Variants in USP20 observed in about 807,000 individuals in gnomAD.
USP20 encodes ubiquitin carboxyl-terminal hydrolase 20.
In USP20, 80 loss-of-function variants were observed where a neutral mutation model predicts 124.2. The ratio of observed to expected loss-of-function variants is 0.64; its 90% CI spans 0.54 to 0.78. The LOEUF (loss-of-function observed/expected upper bound fraction) is 0.78, where lower values mean the gene tolerates loss of function less well. Ranked by LOEUF, USP20 falls within the 30% of genes least tolerant of loss-of-function variation. The pLI is 0.00. For missense variants in USP20, 1,043 were observed against 1,244.4 expected, an observed-to-expected ratio of 0.84 and a Z score of 2.44; for synonymous variants, 481 against 512.3, an observed-to-expected ratio of 0.94 and a Z score of 0.83.
rs1406741101 is a variant in USP20 at position 129,880,099 on chromosome 9, C to T, written c.2585-14C>T. On this transcript the variant is annotated splice_polypyrimidine_tract_variant and intron_variant, in intron 24 of 25. Transcript: ENST00000372429. The stretch of plus-strand genomic sequence containing the variant: ...GGCAAAGGTGAGCCTAGGGGTGCCT[C>T]TCGTGCCCTGCAGGAGCTGACTACG... The T allele has an allele frequency of 1.2e-6, 2 of 1,612,252 alleles. No homozygotes were observed. Among genetic ancestry groups the T allele is most frequent in the African/African-American group, 2.7e-5 (2 of 74,904 alleles).
chr9:129,847,327 G>T (rs1250329320), intron 1 of USP20, among the ~76,000 whole-genome samples: 1 of 144,870 alleles, frequency 6.9e-6, no homozygotes, highest in African/African-American at 2.6e-5. Context: ...TTTTTAGATG[G>T]AGTCTTGCTC....
At chr9:129,867,246 G>A (rs909792175) in intron 10 of USP20, among the ~76,000 whole-genome samples, 11 of 152,164 alleles carry the variant, frequency 7.2e-5, no homozygotes, top group Admixed American at 5.2e-4. Context: ...CCCCCTGTGT[G>A]AGCACACAGA....
chr9:129,845,823 C>G (rs1431408596), intron 1 of USP20, among the ~76,000 whole-genome samples: 2 of 152,230 alleles, frequency 1.3e-5, no homozygotes, highest in East Asian at 3.8e-4. Context: ...TCACTTGACT[C>G]TATCCTCCAG....
In USP20 at chr9:129,858,602, A is replaced by G. The variant is rs1477161485; in HGVS notation, c.330+4A>G. The G allele has an allele frequency of 6.2e-7, 1 of 1,612,916 alleles. No individual in the cohort carries two copies. The highest frequency in any genetic ancestry group is 8.5e-7 in the Non-Finnish European group (1 of 1,179,668). Reference sequence around the variant, plus strand: ...CTCTTCCAAGTTCTCTGAACAGGTAACCTGTGTGGTGGGCTCTGTTTGGTT... The same window carrying G: ...CTCTTCCAAGTTCTCTGAACAGGTAGCCTGTGTGGTGGGCTCTGTTTGGTT... On this transcript the variant is annotated splice_donor_region_variant and intron_variant, in intron 6 of 25. Coordinates refer to ENST00000372429, the MANE Select transcript of USP20 (RefSeq NM_001110303.4).
rs1006619094 is a variant in USP20 at position 129,835,507 on chromosome 9, C to T, written c.-129+8C>T. 12 of 317,574 alleles carry T rather than the reference C, an allele frequency of 3.8e-5. No individual in the cohort carries two copies. In the South Asian group the frequency reaches 5.8e-4, roughly 15 times the overall value. 19.7% of individuals were successfully genotyped at this position (317,574 alleles called of 1,614,324 possible). A position where few individuals can be genotyped will look rare whatever the true frequency, so the allele number is the denominator to read the frequency against. ...GCGCAGTTGCGAGTGCAGGTGAGTT[C>T]CGGGCCGCCACCGGCTGCTTCTGTG... On this transcript the variant is annotated splice_region_variant and intron_variant, in intron 1 of 25. Coordinates refer to ENST00000372429, the MANE Select transcript of USP20 (RefSeq NM_001110303.4).
At chr9:129,836,293 G>C (rs1588230358) in intron 1 of USP20, among the ~76,000 whole-genome samples, 1 of 152,200 alleles carries the variant, frequency 6.6e-6, no homozygotes, top group Admixed American at 6.5e-5. Context: ...TTATTAAGCA[G>C]TTACTATGTG....
chr9:129,848,582 G>A (rs561107598), intron 1 of USP20, among the ~76,000 whole-genome samples: 12 of 151,984 alleles, frequency 7.9e-5, no homozygotes, highest in Non-Finnish European at 1.5e-4. Context: ...GAACCCGGGA[G>A]GCAGAAGTTG....
rs201078645 is a variant in USP20 at position 129,860,889 on chromosome 9, C to G, written c.331-48C>G. ...CTTGGGAGACACCTGGGCCTCTGAC[C>G]CCAGCCCCTCTGTTCACTGTTTTCC... On this transcript the variant is annotated intron_variant, in intron 6 of 25. Coordinates refer to ENST00000372429, the MANE Select transcript of USP20 (RefSeq NM_001110303.4). 6.3e-6 allele frequency: 10 copies of G among 1,595,094 alleles called. No homozygotes were observed. The Admixed American group carries it at 1.2e-4, about 19-fold the overall frequency.
chr9:129,860,940 T>A lies in USP20; in HGVS notation c.334T>A (p.Ser112Thr). 1 of 1,613,898 alleles carries A rather than the reference T, an allele frequency of 6.2e-7. No individual in the cohort carries two copies. Among genetic ancestry groups the A allele is most frequent in the East Asian group, 2.2e-5 (1 of 44,874 alleles). The change falls in exon 7 of 26, where the codon TCC (serine) becomes ACC (threonine). Residue 112 changes from serine to threonine, a missense_variant. Coordinates refer to ENST00000372429, the MANE Select transcript of USP20 (RefSeq NM_001110303.4). ...GSSSKFSEQDSPPPSHPLKAV... is the reference protein window; with the variant it reads ...GSSSKFSEQDTPPPSHPLKAV... ...TCACTTTGGGTCTTTAACACAGGAC[T>A]CCCCGCCACCCTCCCACCCTCTGAA... is the stretch of plus-strand genomic sequence containing the variant.
intron 1 of USP20, among the ~76,000 whole-genome samples, chr9:129,840,085 C>T (rs1192410898): frequency 1.3e-5 from 2 of 151,476 alleles, no homozygotes; most frequent in East Asian, 2.0e-4. Context: ...TCTGGTGGGC[C>T]GGGAGGGCGG....
At chr9:129,866,038 G>A (rs777049873) in intron 10 of USP20, among the ~76,000 whole-genome samples, 4 of 152,208 alleles carry the variant, frequency 2.6e-5, no homozygotes, top group Middle Eastern at 6.3e-3. Flanking sequence ...AAGACAGAGT[G>A]CAGCCACGCG....
chr9:129,860,897 C>T, intron 6 of USP20, 40 bp from the exon 7 acceptor site: 3 of 1,604,096 alleles, frequency 1.9e-6, no homozygotes, highest in Non-Finnish European at 2.6e-6. Context: ...ACCCCAGCCC[C>T]TCTGTTCACT....
Position 129,868,397 on chromosome 9 carries a change from C to A in USP20, c.1083C>A (p.Pro361=). The part of the protein sequence containing the change: ...DTAMAALDDQ[P]AEAQPPSPRS... ...CCATGGCTGCCCTTGACGACCAGCC[C>A]GCGGAGGCCCAGCCCCCGTCACCAC... The change falls in exon 11 of 26, where the codon CCC becomes CCA. Residue 361 remains proline (P), a synonymous_variant. Coordinates refer to ENST00000372429, the MANE Select transcript of USP20 (RefSeq NM_001110303.4). The A allele has an allele frequency of 6.2e-7, 1 of 1,612,256 alleles. No individual in the cohort carries two copies. Among genetic ancestry groups the A allele is most frequent in the Non-Finnish European group, 8.5e-7 (1 of 1,179,520 alleles).
rs758975304 is a variant in USP20 at position 129,875,401 on chromosome 9, C to T, written c.2140C>T (p.Arg714Cys). The stretch of plus-strand genomic sequence containing the variant: ...CAGCCTGCTGCGGTTCTACGTGTCC[C>T]GCGAGTGGCTCAACAAGTTCAACAC... The part of the protein sequence containing the change: ...EPSLLRFYVS[R>C]EWLNKFNTFA... The change falls in exon 20 of 26, where the codon CGC (arginine) becomes TGC (cysteine). Residue 714 changes from arginine to cysteine, a missense_variant. Coordinates refer to ENST00000372429, the MANE Select transcript of USP20 (RefSeq NM_001110303.4). The T allele has an allele frequency of 8.1e-6, 13 of 1,613,596 alleles. No individual in the cohort carries two copies. The highest frequency in any genetic ancestry group is 6.7e-5 in the East Asian group (3 of 44,874).
chr9:129,874,562 C>A lies in USP20; in HGVS notation c.1741-14C>A. The A allele has an allele frequency of 6.2e-7, 1 of 1,612,068 alleles. No homozygotes were observed. The highest frequency in any genetic ancestry group is 1.3e-5 in the African/African-American group (1 of 75,042). On this transcript the variant is annotated splice_polypyrimidine_tract_variant and intron_variant, in intron 17 of 25. Transcript: ENST00000372429. ...TTTCTTCCTAGATGACCGGCGCTCT[C>A]TCTGTCCCCGCAGATCCTGTGCATT...
chr9:129,868,871 A>C lies in USP20; in HGVS notation c.1145A>C (p.Asn382Thr). 1 of 1,572,958 alleles carries C rather than the reference A, an allele frequency of 6.4e-7. No homozygotes were observed. The highest frequency in any genetic ancestry group is 8.7e-7 in the Non-Finnish European group (1 of 1,155,432). ...CCCTCTCTGCCCCCAGAGCCGGACA[A>C]TGATGCTCACCTACGCAGCTCCTCT... ...SSPCRTPEPD[N>T]DAHLRSSSRP... is the part of the protein sequence containing the mutation. The change falls in exon 12 of 26, where the codon AAT (asparagine) becomes ACT (threonine). Residue 382 changes from asparagine (N) to threonine (T), a missense_variant. Asn to Thr is a moderately conservative substitution (Grantham distance 65). Transcript: ENST00000372429.
intron 1 of USP20, among the ~76,000 whole-genome samples, chr9:129,840,934 C>T (rs2032171234): frequency 6.6e-6 from 1 of 152,056 alleles, no homozygotes. Flanking sequence ...CCATGCCCGG[C>T]TAATTTTTGT....
In USP20 at chr9:129,879,062, C is replaced by T. The variant is rs1389821957; in HGVS notation, c.2513-511C>T. Among the ~76,000 whole-genome samples the T allele has an allele frequency of 6.6e-6, 1 of 152,202 alleles. No individual in the cohort carries two copies. The highest frequency in any genetic ancestry group is 1.9e-4 in the East Asian group (1 of 5,182). Reference sequence around the variant, plus strand: ...GCCATCCCGCTAGTCGGGGAAGGTGCCAGGGCCACCGTGAGGCCTCTCTGG... The same window carrying T: ...GCCATCCCGCTAGTCGGGGAAGGTGTCAGGGCCACCGTGAGGCCTCTCTGG... On this transcript the variant is annotated intron_variant, in intron 23 of 25. Coordinates refer to ENST00000372429, the MANE Select transcript of USP20 (RefSeq NM_001110303.4). The surrounding 1 kb of genome is among the most constrained non-coding windows in gnomAD (Gnocchi z 4.2).
rs2032041361 is a variant in USP20, at chr9:129,839,046, G to T, written c.-129+3547G>T. Among the ~76,000 whole-genome samples the T allele has an allele frequency of 6.6e-6, 1 of 152,170 alleles. No individual in the cohort carries two copies. Among genetic ancestry groups the T allele is most frequent in the African/African-American group, 2.4e-5 (1 of 41,432 alleles). ...CTTGGAGTACGCGTGTTTGGATTTG[G>T]GGAGGTGAAGGTCGTCCCCATGCCA... On this transcript the variant is annotated intron_variant, in intron 1 of 25. Coordinates refer to ENST00000372429, the MANE Select transcript of USP20 (RefSeq NM_001110303.4). This position sits in a 1 kb window ranked among gnomAD's most constrained non-coding sequence, Gnocchi z 4.5.
Sources: gnomAD v4.1 joint callset for allele counts (sites outside exome capture counted in the v4.1 genomes callset) on GRCh38, gnomAD v4.1.1 for gene constraint, Gnocchi (gnomAD v3.1) non-coding constraint, MANE v1.5 for transcripts, NCBI Gene and HGNC (gene_info 2026-07-23, HGNC 2026-07-21) for gene names.